Variants in MTRF1 observed in about 807,000 individuals in gnomAD.
MTRF1 encodes the protein peptide chain release factor 1, mitochondrial.
A neutral mutation model predicts 62.9 loss-of-function variants in MTRF1; 51 were observed. The observed-to-expected ratio is 0.81, with a 90% CI of 0.65 to 1.02. The LOEUF (loss-of-function observed/expected upper bound fraction) is 1.02. Ranked by LOEUF, MTRF1 falls within the 50% of genes least tolerant of loss-of-function variation. The pLI, the probability that MTRF1 is intolerant of heterozygous loss-of-function variation, is 0.00. For synonymous variants in MTRF1, 158 were observed against 181.9 expected (o/e 0.87, Z 1.06); for missense variants, 446 against 530.0 (o/e 0.84, Z 1.56).
chr13:41,241,993 T>A (rs903955063), intron 5 of MTRF1, among the ~76,000 whole-genome samples: 1 of 152,244 alleles, frequency 6.6e-6, no homozygotes, highest in Non-Finnish European at 1.5e-5. Flanking sequence ...CTTTCTCACT[T>A]ATTAGTTAAA....
At chr13:41,261,472 T>A (rs2040449770) in intron 1 of MTRF1, 1 of 152,296 alleles carries the variant, frequency 6.6e-6, no homozygotes, top group Non-Finnish European at 1.5e-5. Flanking sequence ...TGAGTAGGAG[T>A]ACAACTAACA....
At chr13:41,292,908 T>G in the MTRF1 span, among the ~76,000 whole-genome samples, 1 of 152,164 alleles carries the variant, frequency 6.6e-6, no homozygotes, top group Non-Finnish European at 1.5e-5. Flanking sequence ...AGCACTCCAG[T>G]CTGGGTGCCA....
chr13:41,232,497 A>AT (rs1469952327), intron 7 of MTRF1, among the ~76,000 whole-genome samples: 1 of 152,236 alleles, frequency 6.6e-6, no homozygotes, highest in Non-Finnish European at 1.5e-5. Flanking sequence ...AATACAAGGA[A>AT]TGAAAAAGAC....
chr13:41,227,089 G>A (rs770779337), intron 7 of MTRF1, among the ~76,000 whole-genome samples: 1 of 152,026 alleles, frequency 6.6e-6, no homozygotes, highest in East Asian at 1.9e-4. Flanking sequence ...AGGAGATCAC[G>A]ACCATACTGG....
chr13:41,279,363 A>C, the MTRF1 span, among the ~76,000 whole-genome samples: 1 of 152,262 alleles, frequency 6.6e-6, no homozygotes. Flanking sequence ...CATCATCTGC[A>C]TGATAAAACC....
In MTRF1 at chr13:41,256,434, C is replaced by T. The variant is rs1298973550; in HGVS notation, c.416-1814G>A. On this transcript the variant is annotated intron_variant, in intron 2 of 9. Transcript: ENST00000379480. ...CTCCGCCTCCTGGGTTCAAGCAATT[C>T]TCCTGCCTCAGCCTCCCGAGTAGTT... Among the ~76,000 whole-genome samples the T allele has an allele frequency of 2.0e-5, 3 of 151,532 alleles. No homozygotes were observed. The East Asian group carries it at 5.8e-4, about 29-fold the overall frequency.
the MTRF1 span, among the ~76,000 whole-genome samples, chr13:41,295,384 T>A: frequency 3.3e-5 from 5 of 152,212 alleles, no homozygotes; most frequent in Non-Finnish European, 7.3e-5. Context: ...AGTTTTCTTG[T>A]TTACATTTCT....
At chr13:41,228,498 G>A (rs9566720) in intron 7 of MTRF1, among the ~76,000 whole-genome samples, 1 of 152,250 alleles carries the variant, frequency 6.6e-6, no homozygotes, top group East Asian at 1.9e-4. Context: ...CCAAGAGTTC[G>A]AGGTTACAGT....
chr13:41,282,213 T>C, the MTRF1 span, among the ~76,000 whole-genome samples: 1 of 150,674 alleles, frequency 6.6e-6, no homozygotes, highest in Non-Finnish European at 1.5e-5. Context: ...AATAGGCTAA[T>C]GGCGATTGCA....
intron 2 of MTRF1, among the ~76,000 whole-genome samples, chr13:41,259,109 G>C (rs535306270): frequency 3.9e-5 from 6 of 152,220 alleles, no homozygotes; most frequent in African/African-American, 1.2e-4. Flanking sequence ...TTGAAAGGGC[G>C]GATAATAAGT....
At chr13:41,264,984 T>TTA (rs772935426), upstream of MTRF1, among the ~76,000 whole-genome samples, 9 of 152,228 alleles carry the variant, frequency 5.9e-5, no homozygotes, top group African/African-American at 9.6e-5. Context: ...CACATGGAGC[T>TTA]TATGTTCCAG....
the MTRF1 span, among the ~76,000 whole-genome samples, chr13:41,273,868 CT>C: frequency 6.7e-6 from 1 of 149,234 alleles, no homozygotes; most frequent in African/African-American, 2.6e-5. Flanking sequence ...AAGCTGAACA[CT>C]GATTTGGTCT....
chr13:41,254,605 T>G lies in MTRF1; in HGVS notation c.431A>C (p.Asp144Ala). The part of the protein sequence containing the change: ...ESMCKSLNKQ[D>A]EKQLQELALE... Reference sequence around the variant, plus strand: ...TGCAAGTTCTTGTAACTGCTTTTCATCTTGTTTATTTAGGCCTAAAAGCCA... The same window carrying G: ...TGCAAGTTCTTGTAACTGCTTTTCAGCTTGTTTATTTAGGCCTAAAAGCCA... Residue 144 changes from aspartate to alanine, a missense_variant, in exon 3 of 10, where the codon GAT becomes GCT. Transcript: ENST00000379480. 1 of 1,613,260 alleles carries G rather than the reference T, an allele frequency of 6.2e-7. No individual in the cohort carries two copies. The highest frequency in any genetic ancestry group is 1.3e-5 in the African/African-American group (1 of 75,032).
the MTRF1 span, among the ~76,000 whole-genome samples, chr13:41,308,203 G>A: frequency 6.6e-6 from 1 of 152,194 alleles, no homozygotes; most frequent in Non-Finnish European, 1.5e-5. Context: ...AAGGCTGGAA[G>A]AGGCCCACAG....
chr13:41,223,183 C>CA, intron 9 of MTRF1, 73 bp downstream of exon 9: 1 of 1,029,304 alleles, frequency 9.7e-7, no homozygotes, highest in Non-Finnish European at 1.5e-6. Context: ...GTAATATCTA[C>CA]ATATATGTTC....
the MTRF1 span, among the ~76,000 whole-genome samples, chr13:41,301,345 A>G: frequency 6.6e-6 from 1 of 152,290 alleles, no homozygotes; most frequent in South Asian, 2.1e-4. Context: ...AGCCTGGGGG[A>G]ATCGCAGAAT....
the MTRF1 span, among the ~76,000 whole-genome samples, chr13:41,281,068 C>G: frequency 3.8e-4 from 58 of 152,358 alleles, 1 homozygote; most frequent in South Asian, 0.012. Flanking sequence ...CCCACCTCCT[C>G]TTTCCCAGAC....
intron 7 of MTRF1, 87 bp from the exon 8 acceptor site, chr13:41,226,655 T>C (rs988214817): frequency 6.9e-7 from 1 of 1,446,348 alleles, no homozygotes. Context: ...GACAGGTTAA[T>C]CAGGAAAAGA....
At chr13:41,264,324 T>C (rs1444032754), upstream of MTRF1, among the ~76,000 whole-genome samples, 1 of 152,232 alleles carries the variant, frequency 6.6e-6, no homozygotes. Context: ...TCAACCTAGA[T>C]TCATAGCTTA....
Sources: allele counts gnomAD v4.1 joint callset (sites outside exome capture counted in the v4.1 genomes callset), GRCh38; gene constraint gnomAD v4.1.1; transcripts MANE v1.5; gene names NCBI Gene and HGNC (gene_info 2026-07-23, HGNC 2026-07-21).